Variants in RASA3 observed in about 807,000 individuals in gnomAD.
The protein encoded by RASA3 is RAS p21 protein activator 3.
Under a neutral mutation model 110.0 loss-of-function variants are expected in RASA3, and 73 were observed. The observed-to-expected ratio is 0.66, with a 90% CI of 0.55 to 0.81. The LOEUF (loss-of-function observed/expected upper bound fraction) is 0.81, where lower values mean the gene tolerates loss of function less well. RASA3 is among the 30% of genes least tolerant of loss of function. The probability of loss-of-function intolerance (pLI) is 0.00; values close to 1 mark genes in which losing one functional copy is unlikely to be tolerated. For synonymous variants in RASA3, 500 were observed against 451.4 expected (o/e 1.11, Z -1.37); for missense variants, 976 against 1,113.2 (o/e 0.88, Z 1.75).
intron 1 of RASA3, among the ~76,000 whole-genome samples, chr13:114,103,574 T>C (rs55777948): frequency 0.58 from 11,045 of 19,168 alleles, 2,775 homozygotes; most frequent in Non-Finnish European, 0.68. Context: ...GATGCGTCCA[T>C]GCTGCCACAG....
At chr13:114,123,471 C>T (rs9590384) in intron 1 of RASA3, among the ~76,000 whole-genome samples, 64,181 of 152,120 alleles carry the variant, frequency 0.42, 13,872 homozygotes, top group Non-Finnish European at 0.47. Context: ...TGAAACCTAA[C>T]GCAGAAATGG....
At chr13:114,013,741 GCT>G (rs68147196) in intron 14 of RASA3, among the ~76,000 whole-genome samples, 6 of 93,526 alleles carry the variant, frequency 6.4e-5, no homozygotes, top group Admixed American at 2.3e-4. Context: ...TCTGTCTCTG[GCT>G]CTCTCTCTCT....
At chr13:114,071,108 T>C (rs577119737) in intron 2 of RASA3, among the ~76,000 whole-genome samples, 136 of 152,362 alleles carry the variant, frequency 8.9e-4, no homozygotes, top group Non-Finnish European at 1.6e-3. Context: ...GCTATCAGTC[T>C]TTTGTTGTGT....
In RASA3 at chr13:114,129,341, T is replaced by A. The variant is rs983983059; in HGVS notation, c.55+3094A>T. On this transcript the variant is annotated intron_variant, in intron 1 of 23. Transcript: ENST00000334062. ...AAAACTGAAATGCAGAAAGCCAGAT[T>A]CTTCAAGACAAAGACTCCAAATTGT... Among the ~76,000 whole-genome samples the A allele has an allele frequency of 2.6e-5, 4 of 152,220 alleles. 1 individual carries two copies. The highest frequency in any genetic ancestry group is 5.9e-5 in the Non-Finnish European group (4 of 68,048).
At position 114,071,210 on chromosome 13, in the gene RASA3, T is replaced by C. The variant is rs549032304; in HGVS notation, c.173+2510A>G. ...ATGGCTCACTGCGGCCTCAACCTCC[T>C]GGCCTCAAGCAATCCTCACACCTCA... On this transcript the variant is annotated intron_variant, in intron 2 of 23. Transcript: ENST00000334062. Among the ~76,000 whole-genome samples the C allele has an allele frequency of 1.6e-3, 239 of 152,336 alleles. 2 individuals carry two copies. The highest frequency in any genetic ancestry group is 5.5e-3 in the African/African-American group (229 of 41,582).
At chr13:114,015,818 T>C (rs2053777944) in intron 13 of RASA3, among the ~76,000 whole-genome samples, 2 of 151,914 alleles carry the variant, frequency 1.3e-5, no homozygotes, top group African/African-American at 4.8e-5. Context: ...GCAGGAGCCA[T>C]TGCCCAAGGG....
At chr13:114,081,478 G>T (rs2079787159) in intron 1 of RASA3, among the ~76,000 whole-genome samples, 1 of 152,238 alleles carries the variant, frequency 6.6e-6, no homozygotes, top group South Asian at 2.1e-4. Flanking sequence ...TGTGAATCCA[G>T]CTGGTCTACA....
At chr13:114,101,515 A>T (rs1220624521) in intron 1 of RASA3, among the ~76,000 whole-genome samples, 3 of 152,344 alleles carry the variant, frequency 2.0e-5, no homozygotes, top group South Asian at 2.1e-4. Flanking sequence ...CCGAACCTGG[A>T]GGGGCCTGAT....
At chr13:114,040,266 G>GCGAACACGCCCAACCCAAAA (rs2139459411) in intron 4 of RASA3, among the ~76,000 whole-genome samples, 1 of 151,884 alleles carries the variant, frequency 6.6e-6, no homozygotes, top group South Asian at 2.1e-4. Context: ...CCACAAGCGG[G>GCGAACACGCCCAACCCAAAA]TGAACACGCC....
At chr13:114,080,458 C>T (rs1407842880) in intron 1 of RASA3, among the ~76,000 whole-genome samples, 1 of 152,192 alleles carries the variant, frequency 6.6e-6, no homozygotes, top group African/African-American at 2.4e-5. Flanking sequence ...CTCCAGCTCC[C>T]TCCAGTCTCC....
At chr13:114,001,108 T>C (rs575965356) in intron 18 of RASA3, among the ~76,000 whole-genome samples, 176 bp from the exon 19 acceptor site, 104 of 152,308 alleles carry the variant, frequency 6.8e-4, no homozygotes, top group African/African-American at 2.4e-3. Context: ...GCCTCTCCTT[T>C]GAAAAGTTGA....
At chr13:113,981,304 G>A (rs2052927585) in intron 23 of RASA3, among the ~76,000 whole-genome samples, 1 of 152,220 alleles carries the variant, frequency 6.6e-6, no homozygotes, top group African/African-American at 2.4e-5. Context: ...GGCACCATGG[G>A]TGGCCTGGAG....
chr13:114,055,512 A>G (rs1415395776), intron 2 of RASA3, among the ~76,000 whole-genome samples: 1 of 152,238 alleles, frequency 6.6e-6, no homozygotes, highest in African/African-American at 2.4e-5. Flanking sequence ...GGGACACCAG[A>G]CGTGCATTTT....
chr13:114,094,846 C>T (rs1594447599), intron 1 of RASA3, among the ~76,000 whole-genome samples: 1 of 152,226 alleles, frequency 6.6e-6, no homozygotes, highest in East Asian at 1.9e-4. Context: ...CACAGCCACA[C>T]AGTCAGTACC....
chr13:114,090,369 A>G (rs117776213), intron 1 of RASA3, among the ~76,000 whole-genome samples: 173 of 152,248 alleles, frequency 1.1e-3, no homozygotes, highest in Non-Finnish European at 2.0e-3. Flanking sequence ...GTTTTGTTTT[A>G]TGATGGCAAA....
In RASA3 at chr13:114,024,320, G is replaced by A; in HGVS notation, c.639C>T (p.His213=). The A allele has an allele frequency of 6.2e-7, 1 of 1,614,024 alleles. No individual in the cohort carries two copies. Among genetic ancestry groups the A allele is most frequent in the South Asian group, 1.1e-5 (1 of 91,084 alleles). The part of the protein sequence containing the change: ...TRPCSYSKKS[H]FDFEEEDVDK... ...CCACGTCTTCCTCCTCAAAGTCAAA[G>A]TGGGACTTCTTGCTGTAGCTACAGG... Residue 213 remains histidine, a synonymous_variant, in exon 8 of 24, where the codon CAC becomes CAT. Transcript: ENST00000334062.
At chr13:114,076,232 A>C (rs1443903324) in intron 1 of RASA3, among the ~76,000 whole-genome samples, 1 of 152,196 alleles carries the variant, frequency 6.6e-6, no homozygotes, top group African/African-American at 2.4e-5. Flanking sequence ...GGTTCTGGAA[A>C]TTTTTATTTT....
chr13:114,050,753 CT>C (rs916173398), intron 3 of RASA3, among the ~76,000 whole-genome samples: 1 of 152,086 alleles, frequency 6.6e-6, no homozygotes, highest in African/African-American at 2.4e-5. Context: ...CTCATGCCCC[CT>C]CTCTCTCTCA....
intron 8 of RASA3, among the ~76,000 whole-genome samples, chr13:114,022,034 G>A (rs1447143279): frequency 6.6e-6 from 1 of 152,026 alleles, no homozygotes; most frequent in Non-Finnish European, 1.5e-5. Flanking sequence ...AGCACCAGCA[G>A]TCTGTGCACG....
Sources: gnomAD v4.1 joint callset for allele counts (sites outside exome capture counted in the v4.1 genomes callset) on GRCh38, gnomAD v4.1.1 for gene constraint, MANE v1.5 for transcripts, NCBI Gene and HGNC (gene_info 2026-07-23, HGNC 2026-07-21) for gene names.